ADK: variants seen among roughly 807,000 people sequenced by gnomAD.
The protein encoded by ADK is N6,N6-dimethyladenosine kinase.
ADK carries 24 observed loss-of-function variants against 44.7 expected under a neutral mutation model. The observed-to-expected ratio is 0.54, with a 90% CI of 0.39 to 0.76. ADK has a LOEUF of 0.76. ADK is among the 30% of genes least tolerant of loss of function. The probability of loss-of-function intolerance (pLI) is 0.00; values close to 1 mark genes in which losing one functional copy is unlikely to be tolerated. For missense variants in ADK, 321 were observed against 425.1 expected (o/e 0.76, Z 2.15); for synonymous variants, 128 against 142.6 (o/e 0.90, Z 0.73).
chr10:74,547,819 C>T (rs574937958), intron 7 of ADK, among the ~76,000 whole-genome samples: 209 of 152,156 alleles, frequency 1.4e-3, no homozygotes, highest in Middle Eastern at 6.8e-3. Flanking sequence ...CCACAACATC[C>T]GGCTAATTTT....
chr10:74,575,222 A>G (rs1385071109), intron 7 of ADK, among the ~76,000 whole-genome samples: 4 of 152,164 alleles, frequency 2.6e-5, no homozygotes, highest in African/African-American at 4.8e-5. Flanking sequence ...TTTATTATCT[A>G]TTCTTTGCAG....
At chr10:74,549,692 C>T (rs551513711) in intron 7 of ADK, among the ~76,000 whole-genome samples, 1 of 152,302 alleles carries the variant, frequency 6.6e-6, no homozygotes, top group South Asian at 2.1e-4. Flanking sequence ...CTACCTCGGC[C>T]TCCCAAGATC....
At chr10:74,693,761 A>T (rs572435035) in intron 10 of ADK, among the ~76,000 whole-genome samples, 114 of 152,324 alleles carry the variant, frequency 7.5e-4, no homozygotes, top group African/African-American at 2.7e-3. Flanking sequence ...CCTAAGCCTA[A>T]GAGTAAAATA....
At chr10:74,534,211 A>C (rs191599020) in intron 7 of ADK, among the ~76,000 whole-genome samples, 1 of 152,320 alleles carries the variant, frequency 6.6e-6, no homozygotes, top group African/African-American at 2.4e-5. Context: ...TACTTTATAC[A>C]TACGTCAAGT....
intron 1 of ADK, among the ~76,000 whole-genome samples, chr10:74,188,290 T>C (rs997079475): frequency 2.6e-5 from 4 of 151,054 alleles, no homozygotes; most frequent in Non-Finnish European, 5.9e-5. Context: ...ATTAATCTTT[T>C]CAAAAACCCA....
chr10:74,252,323 A>G (rs1187135769), intron 3 of ADK, among the ~76,000 whole-genome samples: 1 of 152,166 alleles, frequency 6.6e-6, no homozygotes, highest in Non-Finnish European at 1.5e-5. Context: ...CTTACATGAA[A>G]TTAGAGGGAA....
intron 5 of ADK, among the ~76,000 whole-genome samples, chr10:74,397,822 G>C (rs1469580830): frequency 6.6e-6 from 1 of 152,134 alleles, no homozygotes; most frequent in African/African-American, 2.4e-5. Context: ...TTTCAGCTTT[G>C]AGCTACTGCA....
At chr10:74,234,879 T>G (rs974039307) in intron 3 of ADK, among the ~76,000 whole-genome samples, 2 of 152,190 alleles carry the variant, frequency 1.3e-5, no homozygotes, top group Non-Finnish European at 2.9e-5. Flanking sequence ...TCTAATCAGT[T>G]GCAAGTGGGT....
At chr10:74,559,935 CT>C (rs201999281) in intron 7 of ADK, among the ~76,000 whole-genome samples, 3 of 149,722 alleles carry the variant, frequency 2.0e-5, no homozygotes, top group Non-Finnish European at 4.5e-5. Flanking sequence ...TGTCCATTGA[CT>C]TTTTTTTTGA....
chr10:74,627,050 T>C (rs906300647), intron 9 of ADK, among the ~76,000 whole-genome samples: 1 of 152,240 alleles, frequency 6.6e-6, no homozygotes, highest in African/African-American at 2.4e-5. Flanking sequence ...TTTGTTATGA[T>C]CAAATAAACA....
At chr10:74,436,309 A>G (rs1845176487) in intron 6 of ADK, among the ~76,000 whole-genome samples, 1 of 152,168 alleles carries the variant, frequency 6.6e-6, no homozygotes, top group Non-Finnish European at 1.5e-5. Context: ...TGGGAGGCTG[A>G]GGCAGGAGAA....
At chr10:74,514,931 C>G (rs940530374) in intron 6 of ADK, among the ~76,000 whole-genome samples, 2 of 151,934 alleles carry the variant, frequency 1.3e-5, no homozygotes, top group African/African-American at 4.8e-5. Flanking sequence ...CTCGAGTGAT[C>G]CTCCCACCTC....
intron 3 of ADK, among the ~76,000 whole-genome samples, chr10:74,233,567 T>C (rs1844858167): frequency 6.6e-6 from 1 of 152,208 alleles, no homozygotes; most frequent in South Asian, 2.1e-4. Context: ...TTGTGACATA[T>C]CTTAAGCTGA....
At chr10:74,664,334 A>G (rs1854868172) in intron 9 of ADK, among the ~76,000 whole-genome samples, 1 of 152,174 alleles carries the variant, frequency 6.6e-6, no homozygotes, top group Admixed American at 6.6e-5. Flanking sequence ...TTAAGAATGT[A>G]GTTTATTGTA....
At chr10:74,361,630 C>A (rs1045463187) in intron 4 of ADK, among the ~76,000 whole-genome samples, 1 of 152,082 alleles carries the variant, frequency 6.6e-6, no homozygotes, top group Admixed American at 6.5e-5. Context: ...GTCTTTTAGT[C>A]GTCTTACTAC....
At chr10:74,439,217 G>C (rs7095850) in intron 6 of ADK, among the ~76,000 whole-genome samples, 110,148 of 152,062 alleles carry the variant, frequency 0.72, 40,543 homozygotes, top group Middle Eastern at 0.86. Context: ...TCCACTGAAA[G>C]AGACTTGCCC....
intron 3 of ADK, among the ~76,000 whole-genome samples, chr10:74,240,942 G>A (rs928728341): frequency 3.9e-5 from 6 of 152,148 alleles, no homozygotes; most frequent in African/African-American, 1.4e-4. Flanking sequence ...CACTATCTGG[G>A]AAACTCCGGT....
intron 6 of ADK, among the ~76,000 whole-genome samples, chr10:74,411,277 A>G (rs145517415): frequency 1.3e-5 from 2 of 152,292 alleles, no homozygotes; most frequent in East Asian, 3.9e-4. Flanking sequence ...ATGTTGGTGT[A>G]AAATTCCTGA....
chr10:74,418,395 T>TA (rs1844445570), intron 6 of ADK, among the ~76,000 whole-genome samples: 1 of 152,108 alleles, frequency 6.6e-6, no homozygotes, highest in Non-Finnish European at 1.5e-5. Context: ...TTAGAGCACT[T>TA]ACACAGCCAG....
Sources: gnomAD v4.1 joint callset for allele counts (sites outside exome capture counted in the v4.1 genomes callset) on GRCh38, gnomAD v4.1.1 for gene constraint, MANE v1.5 for transcripts, NCBI Gene and HGNC (gene_info 2026-07-23, HGNC 2026-07-21) for gene names.